GLYR1: variants seen among roughly 807,000 people sequenced by gnomAD.
The protein encoded by GLYR1 is cytokine-like nuclear factor N-PAC.
In GLYR1, 21 loss-of-function variants were observed where a neutral mutation model predicts 72.7. The ratio of observed to expected loss-of-function variants is 0.29; its 90% CI spans 0.20 to 0.42. The LOEUF (loss-of-function observed/expected upper bound fraction) is 0.42, where lower values mean the gene tolerates loss of function less well. Ranked by LOEUF, GLYR1 falls within the 10% of genes least tolerant of loss-of-function variation. The pLI is 1.00. For missense variants in GLYR1, 594 were observed against 712.1 expected, an observed-to-expected ratio of 0.83 and a Z score of 1.89; for synonymous variants, 392 against 270.2, an observed-to-expected ratio of 1.45 and a Z score of -4.42.
intron 15 of GLYR1, among the ~76,000 whole-genome samples, chr16:4,808,010 C>T (rs1310812594): frequency 2.0e-5 from 3 of 151,794 alleles, no homozygotes; most frequent in Non-Finnish European, 2.9e-5. Flanking sequence ...CCAAGGCAGG[C>T]GGATTACTTG....
Position 4,813,827 on chromosome 16 carries a change from G to T in GLYR1, c.1029C>A (p.Gly343=), listed in dbSNP as rs762583727. The T allele has an allele frequency of 3.1e-6, 5 of 1,611,104 alleles. No individual in the cohort carries two copies. In the African/African-American group the frequency reaches 6.7e-5, roughly 21 times the overall value. ...DPKAAKDLVL[G]PSGVLQGIRP... The stretch of plus-strand genomic sequence containing the variant: ...GGATCCCTTGCAGCACACCACTGGG[G>T]CCCAGCACCAGCTGTGGGGACACAA... Residue 343 remains glycine (G), a synonymous_variant, in exon 12 of 16, where the codon GGC becomes GGA. Coordinates refer to ENST00000321919, the MANE Select transcript of GLYR1 (RefSeq NM_032569.4).
chr16:4,818,002 C>CTTTTT, intron 9 of GLYR1: 2 of 219,526 alleles, frequency 9.1e-6, no homozygotes, highest in Non-Finnish European at 1.8e-5. Context: ...CCTTGCTGCC[C>CTTTTT]TTTTTTTTTT....
chr16:4,846,716 T>C, intron 1 of GLYR1: 1 of 232,878 alleles, frequency 4.3e-6, no homozygotes, highest in South Asian at 5.0e-5. Flanking sequence ...AAGCCATCGG[T>C]TGTAAAGGAG....
chr16:4,821,631 T>C (rs768864007), intron 7 of GLYR1, 34 bp from the exon 8 acceptor site: 1 of 1,596,830 alleles, frequency 6.3e-7, no homozygotes, highest in Non-Finnish European at 8.6e-7. Context: ...CTACTTGTGC[T>C]ACTGCAGGCT....
chr16:4,837,974 A>T (rs921081621), intron 3 of GLYR1, among the ~76,000 whole-genome samples: 1 of 148,864 alleles, frequency 6.7e-6, no homozygotes, highest in African/African-American at 2.5e-5. Flanking sequence ...TAAATAAATA[A>T]AGATAAGAAT....
rs1460434378 is a variant in GLYR1, at chr16:4,823,884, A to G, written c.561T>C (p.Ser187=). The change falls in exon 6 of 16, where the codon AGT becomes AGC. Residue 187 remains serine (S), a synonymous_variant. Transcript: ENST00000321919. ...DEKDLTIPES[S]TVKGMMAGPM... ...GTCCGGCCATCATCCCCTTCACGGT[A>G]CTAGACTCCGGGATGGTGAGATCCT... 2 of 1,614,084 alleles carry G rather than the reference A, an allele frequency of 1.2e-6. No homozygotes were observed. Among genetic ancestry groups the G allele is most frequent in the Admixed American group, 1.7e-5 (1 of 60,004 alleles).
chr16:4,813,773 T>G lies in GLYR1; in HGVS notation c.1083A>C (p.Ser361=). The change falls in exon 12 of 16, where the codon TCA becomes TCC. Residue 361 remains serine (S), a synonymous_variant. Coordinates refer to ENST00000321919, the MANE Select transcript of GLYR1 (RefSeq NM_032569.4). ...IRPGKCYVDM[S]TVDADTVTEL... ...CAGTGACGGTGTCAGCGTCCACTGT[T>G]GACATGTCCACGTAGCACTTCCCAG... The G allele has an allele frequency of 6.2e-7, 1 of 1,612,350 alleles. No individual in the cohort carries two copies. Among genetic ancestry groups the G allele is most frequent in the Non-Finnish European group, 8.5e-7 (1 of 1,179,322 alleles).
At chr16:4,812,819 CAG>C (rs1356946180) in intron 12 of GLYR1, among the ~76,000 whole-genome samples, 1 of 148,098 alleles carries the variant, frequency 6.8e-6, no homozygotes, top group African/African-American at 2.5e-5. Context: ...TTTTTTGAGA[CAG>C]AGTCTTGCTC....
intron 5 of GLYR1, among the ~76,000 whole-genome samples, chr16:4,831,640 G>A (rs933912488): frequency 1.3e-5 from 2 of 152,168 alleles, no homozygotes; most frequent in East Asian, 1.9e-4. Context: ...CATCCAGGCC[G>A]TGTCTCTCAC....
intron 15 of GLYR1, among the ~76,000 whole-genome samples, chr16:4,810,907 C>T (rs150808630): frequency 0.019 from 2,949 of 151,552 alleles, 40 homozygotes; most frequent in Middle Eastern, 0.041. Context: ...GAGTTCGAGA[C>T]CAGCCTGAAC....
chr16:4,812,005 T>C, intron 13 of GLYR1, 81 bp downstream of exon 13: 1 of 1,528,680 alleles, frequency 6.5e-7, no homozygotes, highest in Non-Finnish European at 8.8e-7. Flanking sequence ...AGAAAGGCCG[T>C]GTGGGACTGA....
chr16:4,841,058 G>A (rs1056825167), intron 3 of GLYR1, among the ~76,000 whole-genome samples: 3 of 152,138 alleles, frequency 2.0e-5, no homozygotes, highest in Non-Finnish European at 4.4e-5. Context: ...CTCTAGCAAA[G>A]GAGTTTAAAA....
intron 5 of GLYR1, among the ~76,000 whole-genome samples, chr16:4,827,906 A>T (rs1333659343): frequency 6.6e-6 from 1 of 152,062 alleles, no homozygotes; most frequent in Admixed American, 6.6e-5. Flanking sequence ...TCTCAAAAAA[A>T]ACAAACCAAA....
At chr16:4,825,890 G>C (rs1176826233) in intron 5 of GLYR1, among the ~76,000 whole-genome samples, 2 of 152,114 alleles carry the variant, frequency 1.3e-5, no homozygotes, top group Non-Finnish European at 2.9e-5. Flanking sequence ...CTGACCTCGT[G>C]ATCCGCCCGC....
In GLYR1 at chr16:4,804,933, C is replaced by CTGTGTG. The variant is rs143624351; in HGVS notation, c.*297_*302dup. The CTGTGTG allele has an allele frequency of 0.031, 9,190 of 297,100 alleles. 203 individuals carry two copies. Among genetic ancestry groups the CTGTGTG allele is most frequent in the Non-Finnish European group, 0.038 (5,807 of 153,464 alleles). The allele number at this position is 297,100 out of a possible 1,614,324, so 18.4% of individuals were successfully genotyped here. On this transcript the variant is annotated 3_prime_UTR_variant, in exon 16 of 16. Transcript: ENST00000321919. ...GCAGCTTCTATCCTGGGGCGAGAGC[C>CTGTGTG]TGTGTGTGTGTGTGTGTGTGTGTGT... is the stretch of plus-strand genomic sequence containing the variant.
intron 15 of GLYR1, among the ~76,000 whole-genome samples, chr16:4,810,017 C>A (rs1045539003): frequency 4.0e-5 from 6 of 151,738 alleles, no homozygotes; most frequent in Non-Finnish European, 8.8e-5. Flanking sequence ...AGTTAAAAAT[C>A]AATAATCATT....
intron 3 of GLYR1, among the ~76,000 whole-genome samples, chr16:4,837,516 G>A (rs915265628): frequency 6.6e-6 from 1 of 152,020 alleles, no homozygotes; most frequent in Non-Finnish European, 1.5e-5. Flanking sequence ...TGTCACATGT[G>A]TTTCAGCCTT....
At position 4,804,926 on chromosome 16, in the gene GLYR1, CGA is replaced by C; in HGVS notation, c.*308_*309del. 1 of 358,328 alleles carries C rather than the reference CGA, an allele frequency of 2.8e-6. No homozygotes were observed. The highest frequency in any genetic ancestry group is 5.2e-6 in the Non-Finnish European group (1 of 193,158). The allele number at this position is 358,328 out of a possible 1,614,324, so 22.2% of individuals were successfully genotyped here. A position where few individuals can be genotyped will look rare whatever the true frequency, so the allele number is the denominator to read the frequency against. On this transcript the variant is annotated 3_prime_UTR_variant, in exon 16 of 16. Coordinates refer to ENST00000321919, the MANE Select transcript of GLYR1 (RefSeq NM_032569.4). ...TTTCTGGGCAGCTTCTATCCTGGGG[CGA>C]GAGCCTGTGTGTGTGTGTGTGTGTG...
At chr16:4,835,360 C>T (rs1048224767) in intron 3 of GLYR1, among the ~76,000 whole-genome samples, 4 of 152,168 alleles carry the variant, frequency 2.6e-5, no homozygotes, top group African/African-American at 9.7e-5. Flanking sequence ...CAAAATTCCA[C>T]TCACTTTAAA....
Sources: allele counts gnomAD v4.1 joint callset (sites outside exome capture counted in the v4.1 genomes callset), GRCh38; gene constraint gnomAD v4.1.1; transcripts MANE v1.5; gene names NCBI Gene and HGNC (gene_info 2026-07-23, HGNC 2026-07-21).